UBR4: variants seen among roughly 807,000 people sequenced by gnomAD.
UBR4 encodes E3 ubiquitin-protein ligase UBR4.
A neutral mutation model predicts 575.6 loss-of-function variants in UBR4; 124 were observed. That is an observed-to-expected ratio of 0.22 (90% CI 0.19 to 0.25). The LOEUF is 0.25. Among genes scored for constraint, UBR4 ranks in the 10% least tolerant of loss-of-function variants. UBR4 has a pLI of 1.00. For synonymous variants in UBR4, 2,455 were observed against 2,473.7 expected (o/e 0.99, Z 0.22); for missense variants, 4,818 against 6,478.8 (o/e 0.74, Z 8.80).
Position 19,077,966 on chromosome 1 carries a change from G to C in UBR4, c.15324+10C>G. 3.1e-6 allele frequency: 5 copies of C among 1,613,954 alleles called. No homozygotes were observed. The highest frequency in any genetic ancestry group is 4.2e-6 in the Non-Finnish European group (5 of 1,179,868). On this transcript the variant is annotated intron_variant, in intron 104 of 105. Transcript: ENST00000375254. The stretch of plus-strand genomic sequence containing the variant: ...GCCAAAACCCACTGGGCCTCTGACA[G>C]CCTCCTTACCTTAAACATGTTGTAA...
chr1:19,087,843 G>A lies in UBR4; in HGVS notation c.14517C>T (p.Cys4839=), dbSNP rs138405300. ...GGAACTTGTATCCCTCCCTGCAGATGCAGCACGTGAGGCCAGGCTCCTCGA... is the reference window on the plus strand; with the variant it reads ...GGAACTTGTATCCCTCCCTGCAGATACAGCACGTGAGGCCAGGCTCCTCGA... ...ELIEEPGLTC[C]ICREGYKFQP... is the part of the protein sequence containing the mutation. The change falls in exon 99 of 106, where the codon TGC becomes TGT. Residue 4839 remains cysteine, a synonymous_variant. Coordinates refer to ENST00000375254, the MANE Select transcript of UBR4 (RefSeq NM_020765.3). 18 of 1,611,216 alleles carry A rather than the reference G, an allele frequency of 1.1e-5. No homozygotes were observed. Among genetic ancestry groups the A allele is most frequent in the Non-Finnish European group, 1.4e-5 (17 of 1,178,630 alleles).
chr1:19,174,328 T>G lies in UBR4; in HGVS notation c.2973A>C (p.Val991=). 1.2e-6 allele frequency: 2 copies of G among 1,613,074 alleles called. No individual in the cohort carries two copies. Among genetic ancestry groups the G allele is most frequent in the Non-Finnish European group, 1.7e-6 (2 of 1,179,864 alleles). The change falls in exon 22 of 106, where the codon GTA becomes GTC. Residue 991 remains valine, a synonymous_variant. Coordinates refer to ENST00000375254, the MANE Select transcript of UBR4 (RefSeq NM_020765.3). ...DTVRRKENKN[V]TALEACALQY... is the part of the protein sequence containing the mutation. ...GGTTCCATGGTCTTACCAAGGCTGTTACATTCTTGTTTTCCTTTCTCCTAA... is the reference window on the plus strand; with the variant it reads ...GGTTCCATGGTCTTACCAAGGCTGTGACATTCTTGTTTTCCTTTCTCCTAA...
chr1:19,202,958 T>TG (rs545884003), intron 1 of UBR4, among the ~76,000 whole-genome samples: 3 of 151,558 alleles, frequency 2.0e-5, no homozygotes, highest in African/African-American at 7.3e-5. Context: ...GGCACGCGCC[T>TG]GTAATCCCAG....
Position 19,099,684 on chromosome 1 carries a change from A to G in UBR4, c.13222-7T>C, listed in dbSNP as rs200484755. The G allele has an allele frequency of 1.4e-5, 22 of 1,611,022 alleles. No homozygotes were observed. The East Asian group carries it at 4.7e-4, about 34-fold the overall frequency. Reference sequence around the variant, plus strand: ...TTTTATTGTTCACTAGAAGCTGAACAGAAAAGCAGGTGAAGCTGTTGTTCC... The same window carrying G: ...TTTTATTGTTCACTAGAAGCTGAACGGAAAAGCAGGTGAAGCTGTTGTTCC... On this transcript the variant is annotated splice_polypyrimidine_tract_variant and splice_region_variant and intron_variant, in intron 89 of 105. Coordinates refer to ENST00000375254, the MANE Select transcript of UBR4 (RefSeq NM_020765.3).
chr1:19,132,233 G>A (rs1243700877), intron 60 of UBR4, among the ~76,000 whole-genome samples: 4 of 152,110 alleles, frequency 2.6e-5, no homozygotes, highest in Non-Finnish European at 4.4e-5. Flanking sequence ...CCAGGCTGGA[G>A]TGCAGTGGCG....
rs1570743024 is a variant in UBR4 at position 19,122,028 on chromosome 1, AC to A, written c.9817-17del. 1 of 1,613,752 alleles carries A rather than the reference AC, an allele frequency of 6.2e-7. No homozygotes were observed. The highest frequency in any genetic ancestry group is 8.5e-7 in the Non-Finnish European group (1 of 1,179,848). On this transcript the variant is annotated splice_polypyrimidine_tract_variant and intron_variant, in intron 66 of 105. Transcript: ENST00000375254. ...GGTGCTCCATCTGAAATAGGAACCA[AC>A]CACGGGAAAGGAGTAACTCCACCAC...
rs1337750558 is a variant in UBR4 at position 19,183,690 on chromosome 1, C to T, written c.2184+121G>A. On this transcript the variant is annotated intron_variant, in intron 17 of 105. Coordinates refer to ENST00000375254, the MANE Select transcript of UBR4 (RefSeq NM_020765.3). ...TGAGCCAAGACCGTGTCACTGCACT[C>T]CAGCCTGGGTAACAGAGCAAGACTC... 4 of 1,029,830 alleles carry T rather than the reference C, an allele frequency of 3.9e-6. No individual in the cohort carries two copies. The Admixed American group carries it at 8.5e-5, about 22-fold the overall frequency. 63.8% of individuals were successfully genotyped at this position (1,029,830 alleles called of 1,614,324 possible).
At chr1:19,156,535 AG>A in intron 41 of UBR4, 112 bp from the exon 42 acceptor site, 1 of 1,388,962 alleles carries the variant, frequency 7.2e-7, no homozygotes, top group Non-Finnish European at 9.8e-7. Context: ...GCCTTCAGAC[AG>A]TATTTAGACT....
chr1:19,196,567 C>T (rs1348949284), intron 8 of UBR4, among the ~76,000 whole-genome samples: 1 of 152,154 alleles, frequency 6.6e-6, no homozygotes, highest in East Asian at 1.9e-4. Context: ...AGCTGTCAGG[C>T]CCTGCTTCAA....
Position 19,141,485 on chromosome 1 carries a change from T to C in UBR4, c.8350A>G (p.Asn2784Asp), listed in dbSNP as rs1411224604. 2 of 1,613,098 alleles carry C rather than the reference T, an allele frequency of 1.2e-6. No homozygotes were observed. Among genetic ancestry groups the C allele is most frequent in the Admixed American group, 3.3e-5 (2 of 59,916 alleles). The change falls in exon 57 of 106, where the codon AAT becomes GAT. Residue 2784 changes from asparagine (N) to aspartate (D), a missense_variant. By Grantham distance (23) the Asn-to-Asp change is conservative. Coordinates refer to ENST00000375254, the MANE Select transcript of UBR4 (RefSeq NM_020765.3). ...GCCTCCAGGGGAGAGGGGTTGCCAT[T>C]GTTGACATTTTCAGCTGTCTCCAGG... ...MVLETAENVN[N>D]GNPSPLEALL...
At position 19,192,240 on chromosome 1, in the gene UBR4, G is replaced by T; in HGVS notation, c.1342C>A (p.Leu448Ile). 6.2e-7 allele frequency: 1 copy of T among 1,614,206 alleles called. No homozygotes were observed. ...CCCACTCCCTCTTTAGTACGAGAAA[G>T]GATGTCTCTGACTCGGAGGGCAGCC... is the stretch of plus-strand genomic sequence containing the variant. ...PLAALRVRDI[L>I]SRTKEGVGSP... Residue 448 changes from leucine (L) to isoleucine (I), a missense_variant, in exon 11 of 106, where the codon CTT becomes ATT. Leu to Ile is a conservative substitution (Grantham distance 5, BLOSUM62 2). Coordinates refer to ENST00000375254, the MANE Select transcript of UBR4 (RefSeq NM_020765.3).
chr1:19,150,457 A>T, intron 49 of UBR4, 120 bp downstream of exon 49: 4 of 1,164,124 alleles, frequency 3.4e-6, no homozygotes, highest in Non-Finnish European at 4.9e-6. Flanking sequence ...ATGAAAACTT[A>T]AAAAAATTCC....
chr1:19,076,844 C>T lies in UBR4; in HGVS notation c.15383G>A (p.Arg5128His), dbSNP rs1378081391. 4 of 1,611,386 alleles carry T rather than the reference C, an allele frequency of 2.5e-6. No individual in the cohort carries two copies. The highest frequency in any genetic ancestry group is 3.4e-6 in the Non-Finnish European group (4 of 1,178,890). The part of the protein sequence containing the change: ...GWSCSLAEYI[R>H]HNDMPIYEAA... ...TTCGTAGATGGGCATGTCGTTGTGG[C>T]GGATGTACTCAGCGAGAGAGCAGGA... The change falls in exon 105 of 106, where the codon CGC becomes CAC. Residue 5128 changes from arginine (R) to histidine (H), a missense_variant. By Grantham distance (29) the Arg-to-His change is conservative (BLOSUM62 0). Transcript: ENST00000375254.
At position 19,206,203 on chromosome 1, in the gene UBR4, T is replaced by C. The variant is rs142018548; in HGVS notation, c.176+3870A>G. ...AGCTGGGCCCGGTGGTGGGAGCCTG[T>C]AGTCTAGCTAGCTACTGTAACTACT... On this transcript the variant is annotated intron_variant, in intron 1 of 105. Coordinates refer to ENST00000375254, the MANE Select transcript of UBR4 (RefSeq NM_020765.3). 1.6e-4 allele frequency among the ~76,000 whole-genome samples: 24 copies of C among 152,278 alleles called. No individual in the cohort carries two copies. The East Asian group carries it at 4.2e-3, about 27-fold the overall frequency.
chr1:19,186,412 G>T, intron 14 of UBR4, 128 bp downstream of exon 14: 1 of 658,280 alleles, frequency 1.5e-6, no homozygotes. Context: ...TAAAACCAAG[G>T]TCCAGGCTAA....
intron 26 of UBR4, 35 bp from the exon 27 acceptor site, chr1:19,169,567 A>G: frequency 6.3e-7 from 1 of 1,585,796 alleles, no homozygotes. Flanking sequence ...AATCATCACA[A>G]GAAAGAAGGA....
intron 83 of UBR4, 27 bp downstream of exon 83, chr1:19,106,542 G>A: frequency 2.6e-6 from 4 of 1,526,648 alleles, no homozygotes; most frequent in Non-Finnish European, 3.5e-6. Context: ...GGCGCAGGGG[G>A]TGAAGAGTCC....
rs2080675228 is a variant in UBR4, at chr1:19,117,478, C to A, written c.10630-64G>T. The A allele has an allele frequency of 2.6e-6, 4 of 1,543,138 alleles. No individual in the cohort carries two copies. In the South Asian group the frequency reaches 3.4e-5, roughly 13 times the overall value. ...GACTCGTACTGCCTTTTTAAAAATTCATCAGTGTAACCCACTCTTCATCCA... is the reference window on the plus strand; with the variant it reads ...GACTCGTACTGCCTTTTTAAAAATTAATCAGTGTAACCCACTCTTCATCCA... On this transcript the variant is annotated intron_variant, in intron 72 of 105. Transcript: ENST00000375254. The surrounding 1 kb of genome is among the most constrained non-coding windows in gnomAD (Gnocchi z 4.0).
chr1:19,193,582 C>G, intron 8 of UBR4, 25 bp from the exon 9 acceptor site: 1 of 1,604,924 alleles, frequency 6.2e-7, no homozygotes, highest in Non-Finnish European at 8.5e-7. Context: ...GCACAGGTCT[C>G]AGCCATGGAG....
Sources: gnomAD v4.1 joint callset for allele counts (sites outside exome capture counted in the v4.1 genomes callset) on GRCh38, gnomAD v4.1.1 for gene constraint, Gnocchi (gnomAD v3.1) non-coding constraint, MANE v1.5 for transcripts, NCBI Gene and HGNC (gene_info 2026-07-23, HGNC 2026-07-21) for gene names.